IREB2: variants seen among roughly 807,000 people sequenced by gnomAD.
IREB2 encodes the protein iron-responsive element-binding protein 2.
In IREB2, 39 loss-of-function variants were observed where a neutral mutation model predicts 118.8. That is an observed-to-expected ratio of 0.33 (90% CI 0.25 to 0.43). The LOEUF (loss-of-function observed/expected upper bound fraction) is 0.43. Ranked by LOEUF, IREB2 falls within the 20% of genes least tolerant of loss-of-function variation. IREB2 has a pLI of 1.00. For missense variants in IREB2, 900 were observed against 1,147.3 expected (o/e 0.78, Z 3.11); for synonymous variants, 372 against 392.2 (o/e 0.95, Z 0.61).
At chr15:78,458,303 A>C (rs2051139064) in intron 2 of IREB2, among the ~76,000 whole-genome samples, 1 of 152,172 alleles carries the variant, frequency 6.6e-6, no homozygotes, top group Non-Finnish European at 1.5e-5. Context: ...GGTGATTGTG[A>C]TATGCTGATA....
chr15:78,478,671 A>C (rs1015580993), intron 10 of IREB2, among the ~76,000 whole-genome samples: 10 of 152,182 alleles, frequency 6.6e-5, no homozygotes, highest in Non-Finnish European at 1.0e-4. Context: ...GTGCCACTGC[A>C]CTCTAGACTA....
intron 2 of IREB2, among the ~76,000 whole-genome samples, chr15:78,455,449 G>A (rs758444213): frequency 6.6e-6 from 1 of 152,188 alleles, no homozygotes; most frequent in Middle Eastern, 3.4e-3. Context: ...GCAAACCAAG[G>A]CTGGACATAG....
chr15:78,441,575 T>C (rs2050844678), intron 2 of IREB2, among the ~76,000 whole-genome samples: 1 of 152,228 alleles, frequency 6.6e-6, no homozygotes, highest in South Asian at 2.1e-4. Flanking sequence ...CTGTGTATAA[T>C]CTGTAGAAAT....
intron 8 of IREB2, chr15:78,474,942 C>G (rs2051441091): frequency 6.6e-6 from 1 of 151,522 alleles, no homozygotes; most frequent in African/African-American, 2.4e-5. Context: ...GTAGTCCCAG[C>G]TTCTCGGGAG....
At chr15:78,497,074 A>G in intron 20 of IREB2, 52 bp from the exon 21 acceptor site, 1 of 1,453,446 alleles carries the variant, frequency 6.9e-7, no homozygotes, top group South Asian at 1.2e-5. Context: ...TAAATGCTCA[A>G]TAAATAACTT....
intron 2 of IREB2, among the ~76,000 whole-genome samples, chr15:78,454,625 C>T (rs143915233): frequency 5.3e-5 from 8 of 152,132 alleles, no homozygotes; most frequent in African/African-American, 1.9e-4. Context: ...TTACAAAAAT[C>T]GCTAAATCAT....
At chr15:78,443,118 TAC>T (rs1166559888) in intron 2 of IREB2, among the ~76,000 whole-genome samples, 1 of 152,204 alleles carries the variant, frequency 6.6e-6, no homozygotes, top group East Asian at 1.9e-4. Context: ...TTTCTATACA[TAC>T]ATAGCTATGA....
At chr15:78,465,012 C>A (rs1046803296) in intron 3 of IREB2, among the ~76,000 whole-genome samples, 5 of 152,258 alleles carry the variant, frequency 3.3e-5, no homozygotes, top group Admixed American at 1.3e-4. Flanking sequence ...TTCGCTTATG[C>A]CTCAAAAATT....
At chr15:78,467,571 A>G (rs1339866665) in intron 5 of IREB2, among the ~76,000 whole-genome samples, 2 of 151,840 alleles carry the variant, frequency 1.3e-5, no homozygotes, top group East Asian at 2.0e-4. Flanking sequence ...GGAACCTGTA[A>G]TCCCAGATAC....
At chr15:78,451,649 G>A (rs186502933) in intron 2 of IREB2, among the ~76,000 whole-genome samples, 3 of 152,222 alleles carry the variant, frequency 2.0e-5, no homozygotes, top group South Asian at 2.1e-4. Context: ...TTTGAGCACT[G>A]ACGCTCAAAG....
intron 10 of IREB2, among the ~76,000 whole-genome samples, chr15:78,479,002 A>G (rs746857921): frequency 1.2e-4 from 19 of 152,224 alleles, no homozygotes; most frequent in African/African-American, 2.9e-4. Context: ...CAGTGGCACA[A>G]TCATGGTTCA....
At chr15:78,482,598 T>C (rs571301270) in intron 10 of IREB2, among the ~76,000 whole-genome samples, 1 of 152,302 alleles carries the variant, frequency 6.6e-6, no homozygotes, top group South Asian at 2.1e-4. Flanking sequence ...AAATGTTTAC[T>C]AACCGTTTAC....
At chr15:78,479,797 C>T (rs933474043) in intron 10 of IREB2, among the ~76,000 whole-genome samples, 1 of 152,080 alleles carries the variant, frequency 6.6e-6, no homozygotes, top group African/African-American at 2.4e-5. Flanking sequence ...GGCATGCTCC[C>T]GTGGTTCCAC....
chr15:78,483,404 A>G lies in IREB2; in HGVS notation c.1383A>G (p.Lys461=). The G allele has an allele frequency of 6.2e-7, 1 of 1,602,908 alleles. No individual in the cohort carries two copies. Among genetic ancestry groups the G allele is most frequent in the Non-Finnish European group, 8.5e-7 (1 of 1,169,826 alleles). Residue 461 remains lysine (K), a synonymous_variant, in exon 11 of 22, where the codon AAA becomes AAG. Coordinates refer to ENST00000258886, the MANE Select transcript of IREB2 (RefSeq NM_004136.4). The stretch of plus-strand genomic sequence containing the variant: ...ATAGAGTTGCTGTGACAGATATGAA[A>G]AGCGATTTCCAGGCTTGCTTAAATG... ...PQDRVAVTDM[K]SDFQACLNEK...
chr15:78,478,420 C>T (rs776657009), intron 10 of IREB2, 23 bp downstream of exon 10: 24 of 1,351,184 alleles, frequency 1.8e-5, no homozygotes, highest in Admixed American at 1.5e-4. Context: ...TAACCCACCT[C>T]GTAGCAAAGA....
intron 13 of IREB2, 41 bp downstream of exon 13, chr15:78,485,881 C>T (rs751673906): frequency 5.1e-6 from 8 of 1,566,644 alleles, no homozygotes; most frequent in Middle Eastern, 1.7e-4. Context: ...TATTGGTGTT[C>T]AGTAGGTACT....
chr15:78,470,198 G>A (rs2051352128), intron 5 of IREB2, among the ~76,000 whole-genome samples: 1 of 152,194 alleles, frequency 6.6e-6, no homozygotes, highest in African/African-American at 2.4e-5. Flanking sequence ...GTACATGCTT[G>A]TCGTTGAAGC....
At position 78,484,815 on chromosome 15, in the gene IREB2, A is replaced by C. The variant is rs375327094; in HGVS notation, c.1468A>C (p.Ile490Leu). The C allele has an allele frequency of 1.9e-6, 3 of 1,613,484 alleles. No homozygotes were observed. In the African/African-American group the frequency reaches 4.0e-5, roughly 22 times the overall value. ...AAEKQKDIVS[I>L]HYEGSEYKLS... ...TGAAAAACAAAAGGATATTGTCTCC[A>C]TTCATTATGAAGGAAGTGAATATAA... Residue 490 changes from isoleucine (I) to leucine (L), a missense_variant, in exon 12 of 22, where the codon ATT (isoleucine) becomes CTT (leucine). By Grantham distance (5) the Ile-to-Leu change is conservative (BLOSUM62 2). Coordinates refer to ENST00000258886, the MANE Select transcript of IREB2 (RefSeq NM_004136.4).
chr15:78,440,915 A>G (rs1010045236), intron 2 of IREB2, among the ~76,000 whole-genome samples: 1 of 152,106 alleles, frequency 6.6e-6, no homozygotes, highest in Admixed American at 6.5e-5. Flanking sequence ...GACTTTACTA[A>G]CAGTTGAGTA....
Sources: gnomAD v4.1 joint callset for allele counts (sites outside exome capture counted in the v4.1 genomes callset) on GRCh38, gnomAD v4.1.1 for gene constraint, MANE v1.5 for transcripts, NCBI Gene and HGNC (gene_info 2026-07-23, HGNC 2026-07-21) for gene names.